Variants in KIF13A observed in about 807,000 individuals in gnomAD.
The protein encoded by KIF13A is kinesin family member 13A.
KIF13A carries 79 observed loss-of-function variants against 212.2 expected under a neutral mutation model. That is an observed-to-expected ratio of 0.37 (90% confidence interval 0.31 to 0.45). The LOEUF is 0.45. Ranked by LOEUF, KIF13A falls within the 20% of genes least tolerant of loss-of-function variation. The pLI is 1.00. For synonymous variants in KIF13A, 789 were observed against 808.6 expected, an observed-to-expected ratio of 0.98 and a Z score of 0.41; for missense variants, 1,901 against 2,209.0, an observed-to-expected ratio of 0.86 and a Z score of 2.79.
In KIF13A at chr6:17,843,403, C is replaced by T. The variant is rs1766711038; in HGVS notation, c.831-5820G>A. On this transcript the variant is annotated intron_variant, in intron 9 of 38. Coordinates refer to ENST00000259711, the MANE Select transcript of KIF13A (RefSeq NM_022113.6). The surrounding 1 kb of genome is among the most constrained non-coding windows in gnomAD (Gnocchi z 5.3). ...GGTAGCCATTAAACACAGTTCTGGC[C>T]AAGGAGATGTAGGTAAACATTACTG... Among the ~76,000 whole-genome samples the T allele has an allele frequency of 6.6e-6, 1 of 152,106 alleles. No homozygotes were observed. Among genetic ancestry groups the T allele is most frequent in the Admixed American group, 6.6e-5 (1 of 15,258 alleles).
chr6:17,808,877 G>A lies in KIF13A; in HGVS notation c.2054C>T (p.Ala685Val). ...GTTTGCTTCCCTCACCAAGGTATTA[G>A]CTTTAACCAGCTGCTCTCGCAGTTT... ...LAKLREQLVK[A>V]NTLVREANFL... Residue 685 changes from alanine (A) to valine (V), a missense_variant, in exon 18 of 39, where the codon GCT (alanine) becomes GTT (valine). Physicochemically the swap from Ala to Val is moderately conservative, Grantham distance 64 (BLOSUM62 0). Coordinates refer to ENST00000259711, the MANE Select transcript of KIF13A (RefSeq NM_022113.6). 1 of 1,613,498 alleles carries A rather than the reference G, an allele frequency of 6.2e-7. No individual in the cohort carries two copies.
intron 35 of KIF13A, among the ~76,000 whole-genome samples, chr6:17,774,278 A>G (rs1759744413): frequency 6.6e-6 from 1 of 152,104 alleles, no homozygotes; most frequent in Non-Finnish European, 1.5e-5. Context: ...TATTTGTTGA[A>G]TAAGATCATG....
At chr6:17,821,930 G>A (rs1461741740) in intron 16 of KIF13A, 1 of 1,534,530 alleles carries the variant, frequency 6.5e-7, no homozygotes, top group African/African-American at 1.4e-5. Flanking sequence ...GAATCACAGT[G>A]AACACCGTCC....
chr6:17,777,318 G>A lies in KIF13A; in HGVS notation c.4129C>T (p.Arg1377Trp), dbSNP rs780492891. The A allele has an allele frequency of 2.1e-5, 34 of 1,613,336 alleles. No individual in the cohort carries two copies. In the Admixed American group the frequency reaches 2.3e-4, roughly 11 times the overall value. ...GTACTGAGGCTCCTCCGAATGTGCC[G>A]GGCTTTGGTGGAAAGTGCTTCTTTG... Reference protein sequence around the residue: ...TVKEALSTKARHIRRSLSTPN... With the variant: ...TVKEALSTKAWHIRRSLSTPN... The change falls in exon 34 of 39, where the codon CGG (arginine) becomes TGG (tryptophan). Residue 1377 changes from arginine (R) to tryptophan (W), a missense_variant. Physicochemically the swap from Arg to Trp is moderately radical, Grantham distance 101. Transcript: ENST00000259711. The surrounding 1 kb of genome is among the most constrained non-coding windows in gnomAD (Gnocchi z 4.4).
chr6:17,959,978 C>T (rs1197651111), intron 2 of KIF13A, among the ~76,000 whole-genome samples: 7 of 151,498 alleles, frequency 4.6e-5, no homozygotes, highest in Admixed American at 4.6e-4. Context: ...GCCGAGATCG[C>T]GCCATTCCAC....
intron 2 of KIF13A, among the ~76,000 whole-genome samples, chr6:17,931,885 T>G (rs1247349039): frequency 1.3e-5 from 2 of 152,108 alleles, no homozygotes; most frequent in Non-Finnish European, 2.9e-5. Context: ...TATCCAGACA[T>G]AAGATAACTA....
chr6:17,847,231 T>A (rs1344348576), intron 9 of KIF13A, among the ~76,000 whole-genome samples: 1 of 152,186 alleles, frequency 6.6e-6, no homozygotes, highest in Non-Finnish European at 1.5e-5. Context: ...CCACGAGGCG[T>A]GGCAATCTTT....
chr6:17,813,596 T>C (rs12526828), intron 17 of KIF13A, among the ~76,000 whole-genome samples: 31,097 of 152,074 alleles, frequency 0.2, 3,239 homozygotes, highest in Admixed American at 0.28. Context: ...CTTCTCTTCA[T>C]TTAACATTAA....
At chr6:17,808,319 G>T (rs1303179813) in intron 18 of KIF13A, among the ~76,000 whole-genome samples, 1 of 152,166 alleles carries the variant, frequency 6.6e-6, no homozygotes, top group Non-Finnish European at 1.5e-5. Flanking sequence ...CCAGGAGGCG[G>T]AGATTGCAGT....
rs1490850282 is a variant in KIF13A at position 17,967,875 on chromosome 6, TTAA to T, written c.146+19176_146+19178del. ...ATTAAGTAAGTCTGTAAAAGCTTACTTAATAAAGTCTGTGAAGGTCTTAATAAA... is the reference window on the plus strand; with the variant it reads ...ATTAAGTAAGTCTGTAAAAGCTTACTTAAAGTCTGTGAAGGTCTTAATAAA... On this transcript the variant is annotated intron_variant, in intron 2 of 38. Coordinates refer to ENST00000259711, the MANE Select transcript of KIF13A (RefSeq NM_022113.6). The surrounding 1 kb of genome is among the most constrained non-coding windows in gnomAD (Gnocchi z 4.1). 6.6e-6 allele frequency among the ~76,000 whole-genome samples: 1 copy of T among 152,228 alleles called. No homozygotes were observed. The highest frequency in any genetic ancestry group is 1.5e-5 in the Non-Finnish European group (1 of 68,038).
chr6:17,911,898 G>A (rs1029312379), intron 2 of KIF13A, among the ~76,000 whole-genome samples: 2 of 151,862 alleles, frequency 1.3e-5, no homozygotes, highest in Non-Finnish European at 2.9e-5. Context: ...CCAAGTAGCT[G>A]GGACTACAGG....
In KIF13A at chr6:17,834,106, A is replaced by C; in HGVS notation, c.1156-35T>G. On this transcript the variant is annotated intron_variant, in intron 11 of 38. Transcript: ENST00000259711. This position sits in a 1 kb window ranked among gnomAD's most constrained non-coding sequence, Gnocchi z 4.0. Reference sequence around the variant, plus strand: ...GAAATCAGAGATATCTGATGTTCAAAATTTTTCCACCATCATATACAAGAC... The same window carrying C: ...GAAATCAGAGATATCTGATGTTCAACATTTTTCCACCATCATATACAAGAC... 4 of 1,370,514 alleles carry C rather than the reference A, an allele frequency of 2.9e-6. No individual in the cohort carries two copies. The highest frequency in any genetic ancestry group is 4.0e-6 in the Non-Finnish European group (4 of 1,001,338). 84.9% of individuals were successfully genotyped at this position (1,370,514 alleles called of 1,614,324 possible). A position where few individuals can be genotyped will look rare whatever the true frequency, so the allele number is the denominator to read the frequency against.
In KIF13A at chr6:17,984,378, C is replaced by G. The variant is rs553180266; in HGVS notation, c.146+2676G>C. On this transcript the variant is annotated intron_variant, in intron 2 of 38. Coordinates refer to ENST00000259711, the MANE Select transcript of KIF13A (RefSeq NM_022113.6). This position sits in a 1 kb window ranked among gnomAD's most constrained non-coding sequence, Gnocchi z 5.0. Reference sequence around the variant, plus strand: ...AGCAATGCAATGGTATTTTAAGAAACAAATCCATGTGTCTTAATGTTTCAG... The same window carrying G: ...AGCAATGCAATGGTATTTTAAGAAAGAAATCCATGTGTCTTAATGTTTCAG... Among the ~76,000 whole-genome samples the G allele has an allele frequency of 2.0e-5, 3 of 152,282 alleles. No homozygotes were observed. In the South Asian group the frequency reaches 6.2e-4, roughly 32 times the overall value.
Position 17,809,649 on chromosome 6 carries a change from GT to G in KIF13A, c.2001-720del, listed in dbSNP as rs1763262930. ...TTGCACTACCCTAGCTCCTGGCCAA[GT>G]GCATGACCCATCGTAGGATATTCAA... On this transcript the variant is annotated intron_variant, in intron 17 of 38. Transcript: ENST00000259711. The surrounding 1 kb of genome is among the most constrained non-coding windows in gnomAD (Gnocchi z 4.7). Among the ~76,000 whole-genome samples, 11 of 152,160 alleles carry G rather than the reference GT, an allele frequency of 7.2e-5. No individual in the cohort carries two copies. The highest frequency in any genetic ancestry group is 1.3e-4 in the Non-Finnish European group (9 of 68,042).
In KIF13A at chr6:17,984,459, A is replaced by G. The variant is rs1581956915; in HGVS notation, c.146+2595T>C. 3 of 917,740 alleles carry G rather than the reference A, an allele frequency of 3.3e-6. No individual in the cohort carries two copies. The highest frequency in any genetic ancestry group is 1.2e-4 in the Admixed American group (2 of 16,054). The allele number at this position is 917,740 out of a possible 1,614,324, so 56.8% of individuals were successfully genotyped here. A position where few individuals can be genotyped will look rare whatever the true frequency, so the allele number is the denominator to read the frequency against. On this transcript the variant is annotated intron_variant, in intron 2 of 38. Coordinates refer to ENST00000259711, the MANE Select transcript of KIF13A (RefSeq NM_022113.6). The surrounding 1 kb of genome is among the most constrained non-coding windows in gnomAD (Gnocchi z 5.0). The stretch of plus-strand genomic sequence containing the variant: ...ACCTGGACCTATGCAATGTATTACA[A>G]TACTAGAATTTCAGCAACAAAACAA...
At chr6:17,949,548 G>C (rs1185388161) in intron 2 of KIF13A, among the ~76,000 whole-genome samples, 1 of 151,836 alleles carries the variant, frequency 6.6e-6, no homozygotes, top group East Asian at 1.9e-4. Flanking sequence ...GGGTAAAGAG[G>C]AGACAGGAAA....
At chr6:17,762,213 ATT>A (rs34052352), downstream of KIF13A, among the ~76,000 whole-genome samples, 9 of 138,804 alleles carry the variant, frequency 6.5e-5, no homozygotes, top group Admixed American at 1.5e-4. Context: ...GTGAATTTGA[ATT>A]TTTTTTTTTT....
chr6:17,974,849 T>C (rs1409033844), intron 2 of KIF13A, among the ~76,000 whole-genome samples: 1 of 152,174 alleles, frequency 6.6e-6, no homozygotes, highest in Non-Finnish European at 1.5e-5. Context: ...TCAATGAAAA[T>C]AAAAGTTAAA....
At chr6:17,921,542 A>G (rs1775070891) in intron 2 of KIF13A, among the ~76,000 whole-genome samples, 1 of 152,238 alleles carries the variant, frequency 6.6e-6, no homozygotes, top group Non-Finnish European at 1.5e-5. Context: ...CAAACAGCTG[A>G]GCTTTTTATT....
Sources: gnomAD v4.1 joint callset for allele counts (sites outside exome capture counted in the v4.1 genomes callset) on GRCh38, gnomAD v4.1.1 for gene constraint, Gnocchi (gnomAD v3.1) non-coding constraint, MANE v1.5 for transcripts, NCBI Gene and HGNC (gene_info 2026-07-23, HGNC 2026-07-21) for gene names.